Variants in NRG1 observed in about 807,000 individuals in gnomAD.
The protein encoded by NRG1 is neuregulin 1, also known as pro-neuregulin-1, membrane-bound isoform.
A neutral mutation model predicts 63.8 loss-of-function variants in NRG1; 18 were observed. That is an observed-to-expected ratio of 0.28 (90% CI 0.19 to 0.42). The LOEUF is 0.42. NRG1 is among the 10% of genes least tolerant of loss of function. The pLI is 1.00. For synonymous variants in NRG1, 302 were observed against 301.3 expected, an observed-to-expected ratio of 1.00 and a Z score of -0.02; for missense variants, 762 against 814.7, an observed-to-expected ratio of 0.94 and a Z score of 0.79.
chr8:32,549,291 G>A (rs1015339408), intron 1 of NRG1, among the ~76,000 whole-genome samples: 9 of 152,254 alleles, frequency 5.9e-5, no homozygotes, highest in Admixed American at 5.2e-4. Flanking sequence ...GGTGTGCCTG[G>A]CAGCGCAGAA....
At chr8:32,760,671 A>G (rs1830534377) in intron 11 of NRG1, 1 of 1,252,724 alleles carries the variant, frequency 8.0e-7, no homozygotes, top group Non-Finnish European at 1.0e-6. Flanking sequence ...CAGCACATGG[A>G]GTTTCCAGCT....
intron 1 of NRG1, among the ~76,000 whole-genome samples, chr8:32,020,433 T>G (rs953189651): frequency 6.6e-6 from 1 of 152,186 alleles, no homozygotes; most frequent in African/African-American, 2.4e-5. Context: ...ATAATGATAG[T>G]TTTATTTTTT....
At chr8:31,815,347 T>A (rs1823335613) in intron 1 of NRG1, among the ~76,000 whole-genome samples, 1 of 152,182 alleles carries the variant, frequency 6.6e-6, no homozygotes, top group South Asian at 2.1e-4. Context: ...TGCAGTGGTA[T>A]CTCATCTTTT....
At chr8:31,676,194 A>T (rs561807652) in intron 1 of NRG1, among the ~76,000 whole-genome samples, 1 of 152,084 alleles carries the variant, frequency 6.6e-6, no homozygotes, top group Non-Finnish European at 1.5e-5. Context: ...GATCCTGAGC[A>T]TGGGAACAGC....
At chr8:32,751,330 T>C (rs2129049751) in intron 7 of NRG1, among the ~76,000 whole-genome samples, 1 of 152,320 alleles carries the variant, frequency 6.6e-6, no homozygotes, top group African/African-American at 2.4e-5. Context: ...TCTGGAAACA[T>C]GTTAGTCCAG....
chr8:31,858,739 G>A (rs556490554), intron 1 of NRG1, among the ~76,000 whole-genome samples: 1 of 152,308 alleles, frequency 6.6e-6, no homozygotes, highest in African/African-American at 2.4e-5. Context: ...AGTGAAAACT[G>A]CAACACCTGC....
At chr8:31,850,795 A>T (rs1180162553) in intron 1 of NRG1, among the ~76,000 whole-genome samples, 2 of 151,978 alleles carry the variant, frequency 1.3e-5, no homozygotes, top group African/African-American at 4.8e-5. Flanking sequence ...CTCTCTCACC[A>T]CCCGTTTGCT....
Position 32,549,147 on chromosome 8 carries a change from G to C in NRG1, c.100+321G>C, listed in dbSNP as rs148707324. ...GCCTTAGCGGCTGAGCCCAGCCCGG[G>C]AGTGGGACCTGGGCTATAGGAGTCG... On this transcript the variant is annotated intron_variant, in intron 1 of 11. Coordinates refer to ENST00000356819, the Ensembl canonical transcript of NRG1. 8.5e-4 allele frequency among the ~76,000 whole-genome samples: 129 copies of C among 152,344 alleles called. 1 individual carries two copies. Among genetic ancestry groups the C allele is most frequent in the Non-Finnish European group, 1.5e-3 (101 of 68,020 alleles).
intron 1 of NRG1, among the ~76,000 whole-genome samples, chr8:32,582,831 C>T (rs569159356): frequency 6.6e-6 from 1 of 152,320 alleles, no homozygotes; most frequent in South Asian, 2.1e-4. Context: ...CTATGTATTT[C>T]ATGCTTCAAG....
intron 1 of NRG1, among the ~76,000 whole-genome samples, chr8:31,904,172 C>T (rs375883991): frequency 1.4e-4 from 22 of 152,074 alleles, no homozygotes; most frequent in South Asian, 2.1e-4. Flanking sequence ...CAGTGCCCTC[C>T]GACCATGGAA....
chr8:32,625,631 G>A (rs1422553742), intron 5 of NRG1, among the ~76,000 whole-genome samples: 1 of 152,056 alleles, frequency 6.6e-6, no homozygotes, highest in African/African-American at 2.4e-5. Flanking sequence ...TTATTTCAAT[G>A]GTAGGGAAAG....
intron 1 of NRG1, among the ~76,000 whole-genome samples, chr8:31,830,192 T>C (rs1214041544): frequency 6.6e-6 from 1 of 152,068 alleles, no homozygotes; most frequent in Non-Finnish European, 1.5e-5. Flanking sequence ...AATGAATAAA[T>C]AAATAAACAC....
At chr8:32,316,067 AAAAC>A (rs1400268838) in intron 1 of NRG1, among the ~76,000 whole-genome samples, 4 of 151,902 alleles carry the variant, frequency 2.6e-5, no homozygotes, top group Middle Eastern at 3.4e-3. Context: ...AGGGTGAAGA[AAAAC>A]AAACAAATAA....
At chr8:31,682,793 T>A (rs866684660) in intron 1 of NRG1, among the ~76,000 whole-genome samples, 1 of 152,172 alleles carries the variant, frequency 6.6e-6, no homozygotes, top group African/African-American at 2.4e-5. Flanking sequence ...ACAGATGCAG[T>A]ATAATGCTCA....
At chr8:32,349,529 G>C (rs1805329886) in intron 1 of NRG1, among the ~76,000 whole-genome samples, 1 of 152,048 alleles carries the variant, frequency 6.6e-6, no homozygotes, top group Non-Finnish European at 1.5e-5. Flanking sequence ...CCAATATTTG[G>C]GAGTTTCACA....
intron 1 of NRG1, among the ~76,000 whole-genome samples, chr8:32,069,467 G>A (rs1237636447): frequency 6.6e-6 from 1 of 152,214 alleles, no homozygotes. Flanking sequence ...ACTTTGAAAA[G>A]TCGTGAATTA....
chr8:32,614,442 A>G (rs1846940656), intron 3 of NRG1, 72 bp from the exon 4 acceptor site: 1 of 1,473,718 alleles, frequency 6.8e-7, no homozygotes, highest in South Asian at 1.1e-5. Flanking sequence ...TTTTAGTTCC[A>G]AGGCAGGCTG....
chr8:31,838,573 T>C (rs927100351), intron 1 of NRG1, among the ~76,000 whole-genome samples: 2 of 152,194 alleles, frequency 1.3e-5, no homozygotes, highest in Non-Finnish European at 2.9e-5. Flanking sequence ...GGGAACATGA[T>C]ATGCCTTTCC....
chr8:32,700,624 C>T (rs1316602210), intron 5 of NRG1, among the ~76,000 whole-genome samples: 1 of 152,140 alleles, frequency 6.6e-6, no homozygotes, highest in Non-Finnish European at 1.5e-5. Flanking sequence ...TTGAGTTAAT[C>T]TTGCACATCA....
Sources: gnomAD v4.1 joint callset for allele counts (sites outside exome capture counted in the v4.1 genomes callset) on GRCh38, gnomAD v4.1.1 for gene constraint, MANE v1.5 for transcripts, NCBI Gene and HGNC (gene_info 2026-07-23, HGNC 2026-07-21) for gene names.